The following ITGA9 variants were observed in gnomAD, a reference collection of about 807,000 sequenced individuals.
ITGA9 encodes the protein integrin subunit alpha 9.
Under a neutral mutation model 127.8 loss-of-function variants are expected in ITGA9, and 56 were observed. That is an observed-to-expected ratio of 0.44 (90% CI 0.35 to 0.55). ITGA9 has a LOEUF of 0.55. Among genes scored for constraint, ITGA9 ranks in the 20% least tolerant of loss-of-function variants. The probability of loss-of-function intolerance (pLI) is 0.00; values close to 1 mark genes in which losing one functional copy is unlikely to be tolerated. For synonymous variants in ITGA9, 508 were observed against 514.5 expected, an observed-to-expected ratio of 0.99 and a Z score of 0.17; for missense variants, 1,196 against 1,347.1, an observed-to-expected ratio of 0.89 and a Z score of 1.76.
chr3:37,561,871 A>C (rs182768928), intron 15 of ITGA9, among the ~76,000 whole-genome samples: 11 of 149,760 alleles, frequency 7.3e-5, no homozygotes, highest in African/African-American at 2.5e-4. Context: ...CAGCCCTGTT[A>C]TTATTCTCAG....
intron 18 of ITGA9, among the ~76,000 whole-genome samples, chr3:37,696,495 G>A (rs1426201543): frequency 6.6e-6 from 1 of 152,184 alleles, no homozygotes; most frequent in Non-Finnish European, 1.5e-5. Flanking sequence ...CAACAGAGGT[G>A]CCACAGCTCC....
intron 17 of ITGA9, among the ~76,000 whole-genome samples, chr3:37,664,356 C>T (rs923745498): frequency 2.0e-5 from 3 of 152,030 alleles, no homozygotes; most frequent in Non-Finnish European, 4.4e-5. Context: ...AGCTTTTCCT[C>T]CTGGAGACAC....
At chr3:37,805,445 GCA>G (rs1216216826) in intron 27 of ITGA9, among the ~76,000 whole-genome samples, 1 of 152,096 alleles carries the variant, frequency 6.6e-6, no homozygotes, top group African/African-American at 2.4e-5. Context: ...CACGTTTCCA[GCA>G]CATCTTAAAG....
chr3:37,593,265 G>A (rs766936685), intron 15 of ITGA9, among the ~76,000 whole-genome samples: 13 of 152,308 alleles, frequency 8.5e-5, no homozygotes, highest in South Asian at 6.2e-4. Flanking sequence ...CAATGTCAAT[G>A]CTATGTAAAT....
At chr3:37,519,449 A>G in intron 11 of ITGA9, 95 bp downstream of exon 11, 1 of 1,002,786 alleles carries the variant, frequency 1.0e-6, no homozygotes, top group Non-Finnish European at 1.6e-6. Flanking sequence ...GGAGGTACAA[A>G]GAAAAACATT....
At chr3:37,602,507 C>G (rs1699931338) in intron 15 of ITGA9, among the ~76,000 whole-genome samples, 1 of 152,036 alleles carries the variant, frequency 6.6e-6, no homozygotes, top group Non-Finnish European at 1.5e-5. Flanking sequence ...TGAAATGTAT[C>G]AAGCAGAAAC....
In ITGA9 at chr3:37,550,241, G is replaced by C. The variant is rs563086520; in HGVS notation, c.1689+7656G>C. Among the ~76,000 whole-genome samples, 142 of 152,280 alleles carry C rather than the reference G, an allele frequency of 9.3e-4. 2 individuals are homozygous for C. The highest frequency in any genetic ancestry group is 7.7e-3 in the South Asian group (37 of 4,820). ...TACAAGCTAGAACTATTAGTAACTA[G>C]TACTTATTATATGCCAGATACTCTT... On this transcript the variant is annotated intron_variant, in intron 15 of 27. Coordinates refer to ENST00000264741, the MANE Select transcript of ITGA9 (RefSeq NM_002207.3).
chr3:37,784,470 T>G (rs1697014834), intron 25 of ITGA9, among the ~76,000 whole-genome samples: 1 of 152,154 alleles, frequency 6.6e-6, no homozygotes, highest in South Asian at 2.1e-4. Context: ...CCTCTTTCAA[T>G]GTTTAATGGT....
intron 21 of ITGA9, among the ~76,000 whole-genome samples, chr3:37,743,486 T>C (rs6801285): frequency 0.065 from 9,925 of 152,324 alleles, 606 homozygotes; most frequent in African/African-American, 0.15. Flanking sequence ...GGCAGTCTGA[T>C]AAATTTAAGT....
At chr3:37,499,291 G>A (rs767320314) in intron 5 of ITGA9, among the ~76,000 whole-genome samples, 10 of 152,344 alleles carry the variant, frequency 6.6e-5, no homozygotes, top group South Asian at 2.1e-4. Context: ...TGTTCAGCAC[G>A]GACTTCTGTT....
intron 18 of ITGA9, among the ~76,000 whole-genome samples, chr3:37,719,898 C>A (rs1227349815): frequency 2.0e-5 from 3 of 152,168 alleles, no homozygotes; most frequent in African/African-American, 7.2e-5. Flanking sequence ...AGTGTATACT[C>A]ACACAGGAAA....
At chr3:37,675,463 C>T (rs1700672237) in intron 17 of ITGA9, among the ~76,000 whole-genome samples, 1 of 152,190 alleles carries the variant, frequency 6.6e-6, no homozygotes, top group South Asian at 2.1e-4. Context: ...AAACCTGTCT[C>T]CAGCTCTGCA....
chr3:37,685,010 T>G (rs1298550262), intron 18 of ITGA9, among the ~76,000 whole-genome samples: 1 of 152,184 alleles, frequency 6.6e-6, no homozygotes, highest in East Asian at 1.9e-4. Context: ...CTCTACCCAG[T>G]GTTGCTCTAA....
chr3:37,808,761 T>C (rs1329982091), intron 27 of ITGA9: 1 of 152,154 alleles, frequency 6.6e-6, no homozygotes, highest in Non-Finnish European at 1.5e-5. Flanking sequence ...GCCTGGCACC[T>C]TGGTAGGGAC....
At chr3:37,646,011 C>A (rs1700372890) in intron 16 of ITGA9, among the ~76,000 whole-genome samples, 1 of 152,204 alleles carries the variant, frequency 6.6e-6, no homozygotes, top group South Asian at 2.1e-4. Flanking sequence ...AAGAGAAGCA[C>A]AGCCAGCCCC....
At chr3:37,674,895 G>A (rs976270566) in intron 17 of ITGA9, among the ~76,000 whole-genome samples, 1 of 152,204 alleles carries the variant, frequency 6.6e-6, no homozygotes, top group African/African-American at 2.4e-5. Context: ...CCCAAGGGTT[G>A]GGTAGGGTTT....
chr3:37,540,647 G>A (rs908745915), intron 14 of ITGA9, among the ~76,000 whole-genome samples: 5 of 152,142 alleles, frequency 3.3e-5, no homozygotes, highest in African/African-American at 9.7e-5. Context: ...CCCTTTTGGG[G>A]CCTCAGTTCC....
rs1698239468 is a variant in ITGA9 at position 37,454,860 on chromosome 3, C to T, written c.185+2301C>T. The stretch of plus-strand genomic sequence containing the variant: ...GAATGTATTTTTTGCTGTATGTATG[C>T]TTGAATGTGTTTTTTACCCAGGCTT... On this transcript the variant is annotated intron_variant, in intron 1 of 27. Coordinates refer to ENST00000264741, the MANE Select transcript of ITGA9 (RefSeq NM_002207.3). Among the ~76,000 whole-genome samples the T allele has an allele frequency of 2.0e-5, 3 of 152,016 alleles. No individual in the cohort carries two copies. The South Asian group carries it at 6.2e-4, about 32-fold the overall frequency.
intron 23 of ITGA9, among the ~76,000 whole-genome samples, chr3:37,753,081 A>G (rs1696609131): frequency 6.6e-6 from 1 of 152,230 alleles, no homozygotes; most frequent in Admixed American, 6.5e-5. Flanking sequence ...CAGAAAAAAA[A>G]GGAAACAGGT....
Sources: allele counts gnomAD v4.1 joint callset (sites outside exome capture counted in the v4.1 genomes callset), GRCh38; gene constraint gnomAD v4.1.1; transcripts MANE v1.5; gene names NCBI Gene and HGNC (gene_info 2026-07-23, HGNC 2026-07-21).